Variants in DYNLL1 observed in about 807,000 individuals in gnomAD.
The protein encoded by DYNLL1 is dynein light chain LC8-type 1.
A neutral mutation model predicts 10.1 loss-of-function variants in DYNLL1; 3 were observed. The ratio of observed to expected loss-of-function variants is 0.30; its 90% CI spans 0.14 to 0.77. DYNLL1 has a LOEUF of 0.77. Ranked by LOEUF, DYNLL1 falls within the 30% of genes least tolerant of loss-of-function variation. The pLI, the probability that DYNLL1 is intolerant of heterozygous loss-of-function variation, is 0.66. For missense variants in DYNLL1, 47 were observed against 111.7 expected, an observed-to-expected ratio of 0.42 and a Z score of 2.61; for synonymous variants, 46 against 41.2, an observed-to-expected ratio of 1.12 and a Z score of -0.45.
chr12:120,498,013 A>G (rs1868514391), intron 2 of DYNLL1, 60 bp from the exon 3 acceptor site: 1 of 1,545,362 alleles, frequency 6.5e-7, no homozygotes, highest in Non-Finnish European at 8.8e-7. Context: ...GGCTTATCCA[A>G]GAGGCAAACA....
chr12:120,490,290 C>G (rs1879095615), intron 1 of DYNLL1: 1 of 152,166 alleles, frequency 6.6e-6, no homozygotes, highest in Non-Finnish European at 1.5e-5. Flanking sequence ...TTCTCCCAGT[C>G]AATGAATCAG....
chr12:120,475,134 T>C (rs1387851311), intron 1 of DYNLL1, among the ~76,000 whole-genome samples: 4 of 152,130 alleles, frequency 2.6e-5, no homozygotes, highest in African/African-American at 9.7e-5. Context: ...ATAATTCCCC[T>C]CTGGTGTTTT....
At chr12:120,496,009 C>G, upstream of DYNLL1, 1 of 294,614 alleles carries the variant, frequency 3.4e-6, no homozygotes, top group Admixed American at 4.9e-5. Context: ...GGAAGAATGC[C>G]GTGGGCTGCG....
At chr12:120,470,581 C>T (rs996207131) in intron 1 of DYNLL1, among the ~76,000 whole-genome samples, 4 of 152,190 alleles carry the variant, frequency 2.6e-5, no homozygotes, top group Admixed American at 6.5e-5. Flanking sequence ...GATCCTCCCA[C>T]CTCGGGGCGC....
intron 1 of DYNLL1, among the ~76,000 whole-genome samples, chr12:120,470,627 T>C: frequency 6.6e-6 from 1 of 152,150 alleles, no homozygotes; most frequent in Middle Eastern, 3.2e-3. Flanking sequence ...CTAGTTTATT[T>C]TCTATTTTTT....
chr12:120,496,129 C>G lies in DYNLL1; in HGVS notation c.-94C>G. 2.0e-6 allele frequency: 1 copy of G among 509,418 alleles called. No individual in the cohort carries two copies. The highest frequency in any genetic ancestry group is 3.5e-6 in the Non-Finnish European group (1 of 283,868). 31.6% of individuals were successfully genotyped at this position (509,418 alleles called of 1,614,324 possible). On this transcript the variant is annotated 5_prime_UTR_variant, in exon 1 of 3. Transcript: ENST00000242577. ...GGGCTGCTTAGATGCGCCACGGTTTCGGTAGCGACGGTATCTCTAGCCGGG... is the reference window on the plus strand; with the variant it reads ...GGGCTGCTTAGATGCGCCACGGTTTGGGTAGCGACGGTATCTCTAGCCGGG...
intron 1 of DYNLL1, among the ~76,000 whole-genome samples, chr12:120,487,255 A>G (rs576244223): frequency 4.9e-4 from 62 of 127,456 alleles, no homozygotes; most frequent in African/African-American, 1.7e-3. Context: ...TTACAGGCGT[A>G]AGCCACCGTG....
chr12:120,470,145 T>G (rs1296130231), intron 1 of DYNLL1: 2 of 152,424 alleles, frequency 1.3e-5, no homozygotes, highest in Non-Finnish European at 2.9e-5. Context: ...ATTTTACAGT[T>G]GCTCAGAACT....
upstream of DYNLL1, among the ~76,000 whole-genome samples, chr12:120,493,623 A>T (rs1050227967): frequency 2.7e-5 from 4 of 150,764 alleles, no homozygotes; most frequent in Admixed American, 6.6e-5. Context: ...TTATTTATTT[A>T]TTTTTTTTGA....
At position 120,482,375 on chromosome 12, in the gene DYNLL1, T is replaced by C. The variant is rs1229849797; in HGVS notation, c.-7+12271T>C. ...TCGCGCTCTATCGCCCAGGCTGTAG[T>C]GCAGTGGCGCCATCTCGGCTCGCTG... On this transcript the variant is annotated intron_variant, in intron 1 of 2. Coordinates refer to the DYNLL1 transcript ENST00000392509. 1.1e-4 allele frequency among the ~76,000 whole-genome samples: 16 copies of C among 151,744 alleles called. No homozygotes were observed. The East Asian group carries it at 3.1e-3, about 30-fold the overall frequency.
At chr12:120,472,673 G>A (rs1452247775) in intron 1 of DYNLL1, among the ~76,000 whole-genome samples, 2 of 152,218 alleles carry the variant, frequency 1.3e-5, no homozygotes, top group Non-Finnish European at 2.9e-5. Context: ...CAATAGGACT[G>A]TAGGTGGAAA....
intron 1 of DYNLL1, among the ~76,000 whole-genome samples, chr12:120,483,708 C>A (rs1046391885): frequency 2.0e-5 from 3 of 152,008 alleles, no homozygotes; most frequent in African/African-American, 7.2e-5. Flanking sequence ...GAGTTGTGAG[C>A]CATGAAATTT....
chr12:120,496,982 G>A (rs1347023534), intron 2 of DYNLL1: 1 of 302,272 alleles, frequency 3.3e-6, no homozygotes, highest in African/African-American at 2.2e-5. Flanking sequence ...CTGGGGGCTG[G>A]GGTAGGGGCT....
rs1053339089 is a variant in DYNLL1 at position 120,487,743 on chromosome 12, G to A, written c.-6-8673G>A. Among the ~76,000 whole-genome samples the A allele has an allele frequency of 5.3e-5, 8 of 152,130 alleles. 1 individual carries two copies. The highest frequency in any genetic ancestry group is 5.2e-4 in the Admixed American group (8 of 15,274). On this transcript the variant is annotated intron_variant, in intron 1 of 2. Coordinates refer to the DYNLL1 transcript ENST00000392509. ...CCGTTGCCAAGCAACCCAGATGTCC[G>A]TTATCTAGGTTTGCCCAGGCACAGA...
chr12:120,487,714 G>T (rs989906370), intron 1 of DYNLL1, among the ~76,000 whole-genome samples: 1 of 152,116 alleles, frequency 6.6e-6, no homozygotes, highest in Non-Finnish European at 1.5e-5. Flanking sequence ...AGGATTGCAC[G>T]TGACCGTTGC....
chr12:120,496,349 G>T (rs917117920), intron 1 of DYNLL1, 67 bp from the exon 2 acceptor site: 6 of 1,600,178 alleles, frequency 3.7e-6, no homozygotes, highest in Non-Finnish European at 5.1e-6. Context: ...GCCGGCCGGG[G>T]TGGGGGCAGT....
intron 1 of DYNLL1, among the ~76,000 whole-genome samples, chr12:120,489,870 C>A (rs575069524): frequency 4.6e-5 from 7 of 152,308 alleles, no homozygotes; most frequent in African/African-American, 9.6e-5. Context: ...GCCTCAGCCT[C>A]CCAAGTAGCT....
intron 1 of DYNLL1, among the ~76,000 whole-genome samples, chr12:120,485,047 C>T (rs932209916): frequency 1.3e-5 from 2 of 151,818 alleles, no homozygotes; most frequent in African/African-American, 4.8e-5. Flanking sequence ...GCCGCATGGG[C>T]TATAAAGAAG....
intron 2 of DYNLL1, 41 bp from the exon 3 acceptor site, chr12:120,498,032 T>C: frequency 6.3e-7 from 1 of 1,597,564 alleles, no homozygotes; most frequent in Non-Finnish European, 8.5e-7. Flanking sequence ...CACTGACCTC[T>C]GGTAATTAAA....
Sources: allele counts gnomAD v4.1 joint callset (sites outside exome capture counted in the v4.1 genomes callset), GRCh38; gene constraint gnomAD v4.1.1; transcripts MANE v1.5; gene names NCBI Gene and HGNC (gene_info 2026-07-23, HGNC 2026-07-21).